The following MEIG1 variants were observed in gnomAD, a reference collection of about 807,000 sequenced individuals.
The protein encoded by MEIG1 is meiosis/spermiogenesis associated 1.
A neutral mutation model predicts 11.3 loss-of-function variants in MEIG1; 12 were observed. The observed-to-expected ratio is 1.07, with a 90% CI of 0.68 to 1.73. The LOEUF is 1.73. MEIG1 is among the 40% of genes most tolerant of loss of function. The pLI, the probability that MEIG1 is intolerant of heterozygous loss-of-function variation, is 0.00. For synonymous variants in MEIG1, 41 were observed against 33.2 expected (o/e 1.24, Z -0.81); for missense variants, 119 against 104.9 (o/e 1.13, Z -0.59).
downstream of MEIG1, among the ~76,000 whole-genome samples, chr10:14,973,339 T>C (rs1193099533): frequency 6.6e-6 from 1 of 152,232 alleles, no homozygotes; most frequent in Non-Finnish European, 1.5e-5. Context: ...AGATGCCAGA[T>C]ATGGGTCTTG....
upstream of MEIG1, among the ~76,000 whole-genome samples, chr10:14,958,972 A>T (rs935528940): frequency 1.3e-5 from 2 of 152,158 alleles, no homozygotes; most frequent in Non-Finnish European, 2.9e-5. Flanking sequence ...GTACTGTAAT[A>T]TAGTAATAGA....
chr10:14,968,980 A>G (rs1264646232), intron 2 of MEIG1, among the ~76,000 whole-genome samples: 1 of 152,060 alleles, frequency 6.6e-6, no homozygotes, highest in Non-Finnish European at 1.5e-5. Flanking sequence ...CGGGAGGCCG[A>G]GGCAGGAGAA....
At chr10:14,977,901 C>G (rs1162141854) in intron 1 of MEIG1, among the ~76,000 whole-genome samples, 1 of 151,842 alleles carries the variant, frequency 6.6e-6, no homozygotes, top group African/African-American at 2.4e-5. Flanking sequence ...TTCGTAATAT[C>G]CTAGAAAGAT....
chr10:14,963,272 T>C (rs1158997834), intron 1 of MEIG1, among the ~76,000 whole-genome samples: 2 of 151,736 alleles, frequency 1.3e-5, no homozygotes, highest in Non-Finnish European at 2.9e-5. Context: ...AATTTTGTAT[T>C]TTTAGTAGCG....
chr10:14,961,453 C>T (rs1035630381), intron 1 of MEIG1, among the ~76,000 whole-genome samples: 2 of 152,102 alleles, frequency 1.3e-5, no homozygotes, highest in Admixed American at 6.6e-5. Context: ...GGAGCTACAA[C>T]TTGGTATTTT....
the MEIG1 span, chr10:14,954,341 G>A: frequency 9.3e-6 from 4 of 428,596 alleles, no homozygotes; most frequent in Admixed American, 6.9e-5. Context: ...GTGCAGTCGC[G>A]GGAAGGGAAA....
At chr10:14,985,297 G>A (rs769741848) in intron 1 of MEIG1, among the ~76,000 whole-genome samples, 7 of 151,774 alleles carry the variant, frequency 4.6e-5, no homozygotes, top group Non-Finnish European at 5.9e-5. Context: ...ATATCCTGGC[G>A]GGATGTTACT....
intron 1 of MEIG1, among the ~76,000 whole-genome samples, chr10:14,979,115 T>A (rs1389628551): frequency 6.6e-6 from 1 of 152,072 alleles, no homozygotes; most frequent in Non-Finnish European, 1.5e-5. Context: ...ATTCCTCCTA[T>A]GTCACATGGG....
At chr10:14,982,001 G>A (rs1465018974) in intron 1 of MEIG1, among the ~76,000 whole-genome samples, 1 of 152,154 alleles carries the variant, frequency 6.6e-6, no homozygotes, top group Non-Finnish European at 1.5e-5. Flanking sequence ...TCATTGTGAT[G>A]TATTCACCCC....
upstream of MEIG1, among the ~76,000 whole-genome samples, chr10:14,957,217 T>C (rs1168498083): frequency 6.6e-6 from 1 of 152,188 alleles, no homozygotes; most frequent in South Asian, 2.1e-4. Flanking sequence ...ATAGGTACAC[T>C]TTCTGTCCTC....
chr10:14,979,708 A>C (rs1483850224), intron 1 of MEIG1, among the ~76,000 whole-genome samples: 1 of 151,994 alleles, frequency 6.6e-6, no homozygotes, highest in Admixed American at 6.6e-5. Context: ...TCTTAATGTC[A>C]TAGGGTGTGT....
intron 1 of MEIG1, among the ~76,000 whole-genome samples, chr10:14,966,096 C>G (rs1270909365): frequency 8.9e-6 from 1 of 111,838 alleles, no homozygotes; most frequent in African/African-American, 3.5e-5. Context: ...TGGAGTCTTG[C>G]TCTGTCACCC....
At chr10:14,980,050 G>A (rs1055117578) in intron 1 of MEIG1, among the ~76,000 whole-genome samples, 2 of 151,522 alleles carry the variant, frequency 1.3e-5, no homozygotes, top group African/African-American at 2.4e-5. Flanking sequence ...ATGTGTGCAC[G>A]CCGTGATATT....
At chr10:14,987,451 T>C (rs995261811) in intron 2 of MEIG1, 2 of 717,932 alleles carry the variant, frequency 2.8e-6, no homozygotes, top group Non-Finnish European at 5.2e-6. Flanking sequence ...CTGTGTGTCT[T>C]GGACACCTTG....
intron 1 of MEIG1, among the ~76,000 whole-genome samples, chr10:14,964,583 GTGTA>G (rs1315689552): frequency 7.3e-5 from 6 of 81,794 alleles, no homozygotes; most frequent in Non-Finnish European, 1.2e-4. Flanking sequence ...GTGTGTGTGT[GTGTA>G]TATATATATA....
the MEIG1 span, chr10:14,954,230 C>A: frequency 1.5e-6 from 1 of 686,154 alleles, no homozygotes. Flanking sequence ...ACCCGCGCTT[C>A]GCTGCACGCG....
At chr10:14,985,034 T>A (rs759131850) in intron 1 of MEIG1, among the ~76,000 whole-genome samples, 2 of 151,966 alleles carry the variant, frequency 1.3e-5, no homozygotes, top group Non-Finnish European at 2.9e-5. Flanking sequence ...TCGTATTGTC[T>A]TGAAGAGATG....
chr10:14,979,426 C>T (rs879917370), intron 1 of MEIG1, among the ~76,000 whole-genome samples: 2 of 151,558 alleles, frequency 1.3e-5, no homozygotes, highest in Non-Finnish European at 2.9e-5. Context: ...ATAGTATTCA[C>T]AATATACTAG....
intron 1 of MEIG1, among the ~76,000 whole-genome samples, chr10:14,982,911 T>C (rs916753725): frequency 1.3e-5 from 2 of 152,142 alleles, no homozygotes; most frequent in African/African-American, 4.8e-5. Context: ...TCTTATTCAT[T>C]AGAAAACAGT....
Sources: gnomAD v4.1 joint callset for allele counts (sites outside exome capture counted in the v4.1 genomes callset) on GRCh38, gnomAD v4.1.1 for gene constraint, MANE v1.5 for transcripts, NCBI Gene and HGNC (gene_info 2026-07-23, HGNC 2026-07-21) for gene names.